Variants in DTWD2 observed in about 807,000 individuals in gnomAD.
DTWD2 encodes DTW motif tRNA-uridine aminocarboxypropyltransferase 2.
A neutral mutation model predicts 31.8 loss-of-function variants in DTWD2; 39 were observed. That is an observed-to-expected ratio of 1.22 (90% CI 0.95 to 1.60). DTWD2 has a LOEUF of 1.60. DTWD2 is among the 40% of genes most tolerant of loss of function. DTWD2 has a pLI of 0.00. For synonymous variants in DTWD2, 180 were observed against 142.8 expected, an observed-to-expected ratio of 1.26 and a Z score of -1.86; for missense variants, 515 against 381.5, an observed-to-expected ratio of 1.35 and a Z score of -2.92.
chr5:118,879,109 T>C (rs774657231), intron 4 of DTWD2, among the ~76,000 whole-genome samples: 2 of 152,138 alleles, frequency 1.3e-5, no homozygotes, highest in Non-Finnish European at 2.9e-5. Flanking sequence ...GTCAGAAATA[T>C]CATTTGACCC....
chr5:118,973,764 T>C lies in DTWD2; in HGVS notation c.218+14530A>G, dbSNP rs1450848591. 6 of 1,609,942 alleles carry C rather than the reference T, an allele frequency of 3.7e-6. No individual in the cohort carries two copies. The African/African-American group carries it at 6.7e-5, about 18-fold the overall frequency. On this transcript the variant is annotated intron_variant, in intron 1 of 5. Transcript: ENST00000510708. ...CCCTGAACTCTCGCTTTCTTTTTAA[T>C]CGCCTGCATCGGATCACCGGCGTGC...
At chr5:118,921,037 T>A (rs569671171) in intron 4 of DTWD2, among the ~76,000 whole-genome samples, 1 of 152,168 alleles carries the variant, frequency 6.6e-6, no homozygotes, top group Non-Finnish European at 1.5e-5. Flanking sequence ...AAGATCATAG[T>A]TCCTATTATA....
intron 4 of DTWD2, among the ~76,000 whole-genome samples, chr5:118,910,910 C>T (rs1185185638): frequency 6.6e-6 from 1 of 152,156 alleles, no homozygotes; most frequent in Non-Finnish European, 1.5e-5. Context: ...TAAGCTCCCT[C>T]AGGCCTCTTT....
chr5:118,858,040 G>T (rs969190186), intron 4 of DTWD2, among the ~76,000 whole-genome samples: 1 of 152,108 alleles, frequency 6.6e-6, no homozygotes, highest in African/African-American at 2.4e-5. Flanking sequence ...AAGATTAGCA[G>T]AACTGCCTAG....
chr5:118,945,493 G>C (rs115791639), intron 1 of DTWD2, among the ~76,000 whole-genome samples: 3 of 151,946 alleles, frequency 2.0e-5, no homozygotes, highest in Non-Finnish European at 4.4e-5. Flanking sequence ...GACTAGGCAC[G>C]GTGGCTCATG....
At chr5:118,945,329 C>A (rs1389757955) in intron 1 of DTWD2, among the ~76,000 whole-genome samples, 1 of 151,734 alleles carries the variant, frequency 6.6e-6, no homozygotes, top group Admixed American at 6.5e-5. Context: ...GGCTATACCT[C>A]CTATCTCTGT....
chr5:118,898,412 C>A (rs952321239), intron 4 of DTWD2, among the ~76,000 whole-genome samples: 3 of 151,666 alleles, frequency 2.0e-5, no homozygotes, highest in African/African-American at 7.3e-5. Context: ...AATCCCAGCA[C>A]TTTGGGAGGC....
At chr5:118,985,053 C>T (rs1257545819) in intron 1 of DTWD2, among the ~76,000 whole-genome samples, 1 of 152,044 alleles carries the variant, frequency 6.6e-6, no homozygotes, top group Non-Finnish European at 1.5e-5. Flanking sequence ...GAGCATTAGG[C>T]CCAAACTCCC....
intron 4 of DTWD2, among the ~76,000 whole-genome samples, chr5:118,855,746 T>A (rs1293008756): frequency 6.6e-6 from 1 of 152,182 alleles, no homozygotes; most frequent in Admixed American, 6.5e-5. Flanking sequence ...TCTATAATTA[T>A]CTTTTCTAAA....
At chr5:118,848,367 T>C in intron 4 of DTWD2, 149 bp from the exon 5 acceptor site, 1 of 641,862 alleles carries the variant, frequency 1.6e-6, no homozygotes, top group Non-Finnish European at 2.5e-6. Flanking sequence ...TAACATCCTT[T>C]TGTTGCAATT....
At chr5:118,938,076 A>G (rs1227028164) in intron 3 of DTWD2, among the ~76,000 whole-genome samples, 2 of 152,314 alleles carry the variant, frequency 1.3e-5, no homozygotes, top group East Asian at 3.9e-4. Flanking sequence ...ATACCTCAAT[A>G]ATGCTTGGTG....
chr5:118,908,747 T>G (rs1753393298), intron 4 of DTWD2, among the ~76,000 whole-genome samples: 1 of 151,910 alleles, frequency 6.6e-6, no homozygotes, highest in Admixed American at 6.6e-5. Context: ...TGCACTGCCC[T>G]TCTGGTTAAA....
At chr5:118,939,504 T>C (rs1307401625) in intron 2 of DTWD2, among the ~76,000 whole-genome samples, 1 of 152,208 alleles carries the variant, frequency 6.6e-6, no homozygotes, top group Non-Finnish European at 1.5e-5. Flanking sequence ...GGGTATGTTT[T>C]ACAGGTTTAC....
chr5:118,944,503 G>A (rs1479658385), intron 2 of DTWD2, 56 bp downstream of exon 2: 1 of 1,520,682 alleles, frequency 6.6e-7, no homozygotes, highest in Non-Finnish European at 9.1e-7. Flanking sequence ...TTATCTTCGT[G>A]TTTCCTCTTG....
At chr5:118,877,225 C>A (rs1752639908) in intron 4 of DTWD2, among the ~76,000 whole-genome samples, 1 of 152,214 alleles carries the variant, frequency 6.6e-6, no homozygotes, top group Non-Finnish European at 1.5e-5. Context: ...ATAATCCCAG[C>A]ACTTTGGGAG....
intron 1 of DTWD2, among the ~76,000 whole-genome samples, chr5:118,973,042 TAC>T (rs1755024778): frequency 6.6e-6 from 1 of 152,086 alleles, no homozygotes; most frequent in Admixed American, 6.6e-5. Context: ...ATCAGAAACT[TAC>T]AGTCTGTTTT....
intron 3 of DTWD2, among the ~76,000 whole-genome samples, chr5:118,933,877 C>CATAA (rs1269243500): frequency 5.8e-5 from 8 of 138,624 alleles, no homozygotes; most frequent in Non-Finnish European, 1.1e-4. Flanking sequence ...AGGGAACTGA[C>CATAA]CTAAATAAAT....
At chr5:118,871,826 GC>G (rs1365478436) in intron 4 of DTWD2, among the ~76,000 whole-genome samples, 2 of 152,078 alleles carry the variant, frequency 1.3e-5, no homozygotes, top group African/African-American at 2.4e-5. Flanking sequence ...CCCCTAACAA[GC>G]AAGTCGGCCT....
intron 1 of DTWD2, among the ~76,000 whole-genome samples, chr5:118,949,639 G>A (rs1001112113): frequency 6.6e-6 from 1 of 152,132 alleles, no homozygotes; most frequent in Non-Finnish European, 1.5e-5. Context: ...ATGGGATATT[G>A]GCATTGAGTG....
Sources: gnomAD v4.1 joint callset for allele counts (sites outside exome capture counted in the v4.1 genomes callset) on GRCh38, gnomAD v4.1.1 for gene constraint, MANE v1.5 for transcripts, NCBI Gene and HGNC (gene_info 2026-07-23, HGNC 2026-07-21) for gene names.